Variants in GPHN observed in about 807,000 individuals in gnomAD.
GPHN encodes gephyrin.
A neutral mutation model predicts 95.5 loss-of-function variants in GPHN; 17 were observed. The observed-to-expected ratio is 0.18, with a 90% CI of 0.12 to 0.27. GPHN has a LOEUF of 0.27. GPHN is among the 10% of genes least tolerant of loss of function. The probability of loss-of-function intolerance (pLI) is 1.00; values close to 1 mark genes in which losing one functional copy is unlikely to be tolerated. For synonymous variants in GPHN, 320 were observed against 322.5 expected (o/e 0.99, Z 0.08); for missense variants, 660 against 978.1 (o/e 0.67, Z 4.34).
chr14:66,696,732 C>G (rs2068124706), intron 2 of GPHN, among the ~76,000 whole-genome samples: 1 of 152,148 alleles, frequency 6.6e-6, no homozygotes. Context: ...AATTTGTGGT[C>G]CCCTGAAAGG....
intron 1 of GPHN, among the ~76,000 whole-genome samples, chr14:66,672,376 A>G (rs2066346445): frequency 6.6e-6 from 1 of 152,130 alleles, no homozygotes; most frequent in African/African-American, 2.4e-5. Flanking sequence ...AAGAGTGTCT[A>G]TTCTGCTTTT....
chr14:66,982,567 A>G (rs117200244), intron 9 of GPHN, among the ~76,000 whole-genome samples: 1,833 of 152,322 alleles, frequency 0.012, 19 homozygotes, highest in Non-Finnish European at 0.018. Context: ...AGAAGATTGA[A>G]GTATTTTGGA....
chr14:67,387,023 A>G, the GPHN span: 1 of 232,806 alleles, frequency 4.3e-6, no homozygotes, highest in Non-Finnish European at 8.3e-6. Context: ...TGGCATGGCC[A>G]GTGTAATTGT....
the GPHN span, among the ~76,000 whole-genome samples, chr14:67,455,817 G>C: frequency 2.7e-4 from 41 of 152,230 alleles, no homozygotes; most frequent in Non-Finnish European, 4.4e-4. Context: ...CCAGCACTAG[G>C]AGGAGAAAGC....
chr14:67,402,409 C>T, the GPHN span, among the ~76,000 whole-genome samples: 1 of 152,140 alleles, frequency 6.6e-6, no homozygotes, highest in Non-Finnish European at 1.5e-5. Context: ...AAGCATTTAT[C>T]CTTTGTGTTA....
chr14:67,466,347 G>C, the GPHN span, among the ~76,000 whole-genome samples: 1 of 152,268 alleles, frequency 6.6e-6, no homozygotes, highest in South Asian at 2.1e-4. Flanking sequence ...GGGTGGATCA[G>C]TGGAGCTGGG....
chr14:66,693,695 A>G (rs2067934219), intron 2 of GPHN, among the ~76,000 whole-genome samples: 1 of 152,184 alleles, frequency 6.6e-6, no homozygotes, highest in Non-Finnish European at 1.5e-5. Flanking sequence ...TCACTTGTGA[A>G]TCTCCTCTGG....
Position 67,111,771 on chromosome 14 carries a change from T to C in GPHN, c.1414-90T>C, listed in dbSNP as rs544103811. On this transcript the variant is annotated intron_variant, in intron 14 of 22. Transcript: ENST00000478722. ...TTTTTGTCTATATTTGTATATATCC[T>C]GGGCCTATCTGATGGTAAAAGTATC... 13 of 918,974 alleles carry C rather than the reference T, an allele frequency of 1.4e-5. No individual in the cohort carries two copies. In the East Asian group the frequency reaches 3.1e-4, roughly 22 times the overall value. The allele number at this position is 918,974 out of a possible 1,614,324, so 56.9% of individuals were successfully genotyped here.
chr14:66,930,843 T>C (rs1407317663), intron 8 of GPHN, among the ~76,000 whole-genome samples: 1 of 152,198 alleles, frequency 6.6e-6, no homozygotes, highest in East Asian at 1.9e-4. Flanking sequence ...TTTTAGATCA[T>C]CTCTTAGTTG....
At chr14:66,645,648 T>C (rs1384286418) in intron 1 of GPHN, among the ~76,000 whole-genome samples, 1 of 147,290 alleles carries the variant, frequency 6.8e-6, no homozygotes, top group Non-Finnish European at 1.5e-5. Flanking sequence ...GCCAAGATCA[T>C]GCCATTATAC....
intron 5 of GPHN, among the ~76,000 whole-genome samples, chr14:66,911,669 A>C (rs1368930918): frequency 6.6e-6 from 1 of 152,046 alleles, no homozygotes; most frequent in South Asian, 2.1e-4. Flanking sequence ...AAATTTTAAG[A>C]GAAGCAATAT....
At chr14:67,603,596 T>G in the GPHN span, among the ~76,000 whole-genome samples, 2 of 152,234 alleles carry the variant, frequency 1.3e-5, no homozygotes, top group African/African-American at 4.8e-5. Flanking sequence ...GAAGCGTTCC[T>G]GTTGCCTTGG....
chr14:66,651,206 G>T (rs889250231), intron 1 of GPHN, among the ~76,000 whole-genome samples: 1 of 152,172 alleles, frequency 6.6e-6, no homozygotes, highest in Non-Finnish European at 1.5e-5. Flanking sequence ...ACATTTCAGT[G>T]ACACAGAAAG....
At chr14:67,415,925 A>G in the GPHN span, among the ~76,000 whole-genome samples, 1 of 152,306 alleles carries the variant, frequency 6.6e-6, no homozygotes, top group Non-Finnish European at 1.5e-5. Flanking sequence ...GGAGCTGGAC[A>G]TTGAGATCAC....
chr14:66,770,781 T>C (rs1164741116), intron 2 of GPHN, among the ~76,000 whole-genome samples: 1 of 152,038 alleles, frequency 6.6e-6, no homozygotes, highest in East Asian at 1.9e-4. Flanking sequence ...GAGAAAGTTA[T>C]TATAAAAATA....
At chr14:67,619,961 T>A in the GPHN span, 1 of 1,546,848 alleles carries the variant, frequency 6.5e-7, no homozygotes, top group Non-Finnish European at 8.8e-7. Context: ...CCTTGGAGAT[T>A]CTCAGTGCTG....
At chr14:66,588,348 A>T (rs2061505656) in intron 1 of GPHN, among the ~76,000 whole-genome samples, 2 of 151,960 alleles carry the variant, frequency 1.3e-5, no homozygotes, top group South Asian at 4.2e-4. Flanking sequence ...AAGTATCACA[A>T]CTCCTTGCCA....
intron 1 of GPHN, among the ~76,000 whole-genome samples, chr14:66,616,041 T>G (rs2063005931): frequency 6.6e-6 from 1 of 151,886 alleles, no homozygotes. Context: ...ATGTGTGGTG[T>G]TATTTCTGAG....
At chr14:67,660,811 C>T in the GPHN span, among the ~76,000 whole-genome samples, 1 of 152,146 alleles carries the variant, frequency 6.6e-6, no homozygotes. Flanking sequence ...AGTATCTGAG[C>T]ATCAAACAAA....
Sources: gnomAD v4.1 joint callset for allele counts (sites outside exome capture counted in the v4.1 genomes callset) on GRCh38, gnomAD v4.1.1 for gene constraint, MANE v1.5 for transcripts, NCBI Gene and HGNC (gene_info 2026-07-23, HGNC 2026-07-21) for gene names.